The following GOLGA3 variants were observed in gnomAD, a reference collection of about 807,000 sequenced individuals.
GOLGA3 encodes the protein golgin A3.
In GOLGA3, 75 loss-of-function variants were observed where a neutral mutation model predicts 169.4. The observed-to-expected ratio is 0.44, with a 90% CI of 0.37 to 0.54. The LOEUF (loss-of-function observed/expected upper bound fraction) is 0.54. GOLGA3 is among the 20% of genes least tolerant of loss of function. The pLI is 0.00. For missense variants in GOLGA3, 1,899 were observed against 1,930.0 expected (o/e 0.98, Z 0.30); for synonymous variants, 824 against 822.4 (o/e 1.00, Z -0.03).
chr12:132,780,056 TACACACACACACCCCAG>T (rs2045494073), intron 18 of GOLGA3, among the ~76,000 whole-genome samples: 3 of 89,978 alleles, frequency 3.3e-5, no homozygotes, highest in African/African-American at 4.5e-5. Context: ...CCCGCGCACA[TACACACACACACCCCAG>T]GCACACGTGT....
chr12:132,825,494 G>C (rs1004784568), intron 1 of GOLGA3, among the ~76,000 whole-genome samples: 1 of 152,240 alleles, frequency 6.6e-6, no homozygotes, highest in African/African-American at 2.4e-5. Flanking sequence ...CAGTTCTGCT[G>C]ATTCTGCTGA....
rs138317736 is a variant in GOLGA3 at position 132,786,396 on chromosome 12, C to T, written c.3066G>A (p.Ala1022=). Residue 1022 remains alanine, a synonymous_variant, in exon 15 of 24, where the codon GCG becomes GCA. Transcript: ENST00000450791. ...EALAAKEAAD[A]ELGQLRAQGG... is the part of the protein sequence containing the mutation. ...CCTGGGCTCGGAGCTGGCCCAGCTCCGCGTCCGCAGCCTCCTTGGCCGCGA... is the reference window on the plus strand; with the variant it reads ...CCTGGGCTCGGAGCTGGCCCAGCTCTGCGTCCGCAGCCTCCTTGGCCGCGA... 153 of 1,612,316 alleles carry T rather than the reference C, an allele frequency of 9.5e-5. No individual in the cohort carries two copies. Among genetic ancestry groups the T allele is most frequent in the Non-Finnish European group, 1.2e-4 (144 of 1,179,382 alleles).
chr12:132,781,712 G>T (rs1160988905), intron 17 of GOLGA3, among the ~76,000 whole-genome samples: 1 of 152,110 alleles, frequency 6.6e-6, no homozygotes, highest in African/African-American at 2.4e-5. Context: ...GCTCGATTTG[G>T]CCCCCAGGAT....
intron 23 of GOLGA3, among the ~76,000 whole-genome samples, chr12:132,773,723 CA>C (rs576427658): frequency 6.6e-6 from 1 of 152,240 alleles, no homozygotes; most frequent in African/African-American, 2.4e-5. Flanking sequence ...CGAGTTCCCC[CA>C]CCTTTATATA....
chr12:132,822,349 G>C, intron 1 of GOLGA3, 38 bp from the exon 2 acceptor site: 2 of 1,164,600 alleles, frequency 1.7e-6, no homozygotes, highest in Non-Finnish European at 2.2e-6. Context: ...TATGAAACTT[G>C]TCAGATTTCA....
At chr12:132,824,376 T>C (rs949067404) in intron 1 of GOLGA3, among the ~76,000 whole-genome samples, 3 of 152,230 alleles carry the variant, frequency 2.0e-5, no homozygotes, top group African/African-American at 2.4e-5. Flanking sequence ...GAGACAGTTA[T>C]GAGTTCATAA....
At chr12:132,774,453 G>T in intron 22 of GOLGA3, 133 bp from the exon 23 acceptor site, 3 of 926,008 alleles carry the variant, frequency 3.2e-6, no homozygotes, top group South Asian at 1.5e-5. Context: ...CGTCCTGGCC[G>T]CCGTGGCAGC....
chr12:132,774,342 C>G (rs1248088138), intron 22 of GOLGA3, 22 bp from the exon 23 acceptor site: 1 of 1,608,594 alleles, frequency 6.2e-7, no homozygotes, highest in Non-Finnish European at 8.5e-7. Flanking sequence ...AGCACATGAT[C>G]AGCTTTCCCA....
chr12:132,822,332 A>G, intron 1 of GOLGA3, 21 bp from the exon 2 acceptor site: 1 of 1,255,864 alleles, frequency 8.0e-7, no homozygotes. Flanking sequence ...AGAGAGACAA[A>G]ATGTATTATG....
intron 17 of GOLGA3, among the ~76,000 whole-genome samples, chr12:132,781,208 CCGCAG>C (rs2045586440): frequency 4.2e-5 from 3 of 71,386 alleles, no homozygotes; most frequent in South Asian, 6.3e-4. Flanking sequence ...GATGGTACCA[CCGCAG>C]TGCCCTCCAC....
intron 16 of GOLGA3, 29 bp from the exon 17 acceptor site, chr12:132,782,522 T>G (rs1483651485): frequency 1.9e-6 from 3 of 1,545,488 alleles, no homozygotes; most frequent in African/African-American, 2.7e-5. Context: ...ACTGTAAAAT[T>G]ACCTGCACTG....
chr12:132,776,052 C>T (rs1419865589), intron 21 of GOLGA3, among the ~76,000 whole-genome samples: 6 of 152,348 alleles, frequency 3.9e-5, no homozygotes, highest in South Asian at 2.1e-4. Flanking sequence ...TGGACGAGGG[C>T]GCCAGCTCCC....
At position 132,780,683 on chromosome 12, in the gene GOLGA3, C is replaced by T. The variant is rs1037430108; in HGVS notation, c.3582+115G>A. 120 of 705,886 alleles carry T rather than the reference C, an allele frequency of 1.7e-4. 1 individual carries two copies. In the Admixed American group the frequency reaches 2.5e-3, roughly 15 times the overall value. The allele number at this position is 705,886 out of a possible 1,614,324, so 43.7% of individuals were successfully genotyped here. A position where few individuals can be genotyped will look rare whatever the true frequency, so the allele number is the denominator to read the frequency against. Reference sequence around the variant, plus strand: ...GCCTCCGTCACCAACAACTGCAACACACCTTTGCTCTGTGTAACTGCTGGA... The same window carrying T: ...GCCTCCGTCACCAACAACTGCAACATACCTTTGCTCTGTGTAACTGCTGGA... On this transcript the variant is annotated intron_variant, in intron 18 of 23. Transcript: ENST00000450791.
chr12:132,793,650 C>T (rs1342686481), intron 11 of GOLGA3, among the ~76,000 whole-genome samples: 1 of 48,334 alleles, frequency 2.1e-5, no homozygotes, highest in Non-Finnish European at 3.7e-5. Context: ...ACCCACCGCA[C>T]GGGACCCGCA....
At chr12:132,801,158 T>C (rs1949110784) in intron 8 of GOLGA3, among the ~76,000 whole-genome samples, 1 of 152,206 alleles carries the variant, frequency 6.6e-6, no homozygotes, top group Non-Finnish European at 1.5e-5. Context: ...CACTCCCACA[T>C]ATGCGGGACC....
rs1038754522 is a variant in GOLGA3 at position 132,771,068 on chromosome 12, T to A, written c.*2037A>T. ...AACATCTTCAACTTAAGATAAAAAG[T>A]AGGATATATTTATAATGAAATTTTC... is the stretch of plus-strand genomic sequence containing the variant. On this transcript the variant is annotated 3_prime_UTR_variant, in exon 24 of 24. Transcript: ENST00000450791. 1.3e-5 allele frequency: 2 copies of A among 152,582 alleles called. No homozygotes were observed. The highest frequency in any genetic ancestry group is 4.8e-5 in the African/African-American group (2 of 41,438). 9.5% of individuals were successfully genotyped at this position (152,582 alleles called of 1,614,324 possible). A position where few individuals can be genotyped will look rare whatever the true frequency, so the allele number is the denominator to read the frequency against.
At position 132,808,605 on chromosome 12, in the gene GOLGA3, TA is replaced by T; in HGVS notation, c.520-57del. The T allele has an allele frequency of 3.0e-6, 4 of 1,343,436 alleles. No individual in the cohort carries two copies. The South Asian group carries it at 5.5e-5, about 19-fold the overall frequency. The allele number at this position is 1,343,436 out of a possible 1,614,324, so 83.2% of individuals were successfully genotyped here. ...ATTTAAAATCCACAAGCAGCATACT[TA>T]AAACTGCCATTCAGAAAGGTGGCAC... On this transcript the variant is annotated intron_variant, in intron 4 of 23. Coordinates refer to ENST00000450791, the MANE Select transcript of GOLGA3 (RefSeq NM_001389683.1).
At chr12:132,812,801 T>C (rs1454215063) in intron 4 of GOLGA3, among the ~76,000 whole-genome samples, 1 of 152,184 alleles carries the variant, frequency 6.6e-6, no homozygotes, top group African/African-American at 2.4e-5. Flanking sequence ...TTTTAAGAAA[T>C]TACCACAGCC....
chr12:132,798,554 C>G, intron 8 of GOLGA3, 77 bp from the exon 9 acceptor site: 3 of 1,392,482 alleles, frequency 2.2e-6, no homozygotes. Flanking sequence ...CCCTGGAGGC[C>G]CCAGGGTGAG....
Sources: allele counts gnomAD v4.1 joint callset (sites outside exome capture counted in the v4.1 genomes callset), GRCh38; gene constraint gnomAD v4.1.1; transcripts MANE v1.5; gene names NCBI Gene and HGNC (gene_info 2026-07-23, HGNC 2026-07-21).